Variants in ATN1 observed in about 807,000 individuals in gnomAD.
ATN1 encodes atrophin 1.
In ATN1, 19 loss-of-function variants were observed where a neutral mutation model predicts 85.8. The observed-to-expected ratio is 0.22, with a 90% confidence interval of 0.15 to 0.32. The LOEUF (loss-of-function observed/expected upper bound fraction) is 0.32, where lower values mean the gene tolerates loss of function less well. Ranked by LOEUF, ATN1 falls within the 10% of genes least tolerant of loss-of-function variation. The probability of loss-of-function intolerance (pLI) is 1.00; values close to 1 mark genes in which losing one functional copy is unlikely to be tolerated. For missense variants in ATN1, 1,453 were observed against 1,564.5 expected (o/e 0.93, Z 1.20); for synonymous variants, 674 against 657.0 (o/e 1.03, Z -0.39).
Position 6,937,600 on chromosome 12 carries a change from GGAC to G in ATN1, c.2294+46_2294+48del, listed in dbSNP as rs782457881. On this transcript the variant is annotated intron_variant, in intron 5 of 9. Coordinates refer to ENST00000396684, the MANE Select transcript of ATN1 (RefSeq NM_001940.4). The surrounding 1 kb of genome is among the most constrained non-coding windows in gnomAD (Gnocchi z 6.0). ...TGGGGCGGAGGTGGGCCTGGAAAGG[GGAC>G]GACGACAAGGCGGCGACGAGAGAGG... 37 of 1,461,100 alleles carry G rather than the reference GGAC, an allele frequency of 2.5e-5. No individual in the cohort carries two copies. In the Middle Eastern group the frequency reaches 9.0e-4, roughly 35 times the overall value. The allele number at this position is 1,461,100 out of a possible 1,614,324, so 90.5% of individuals were successfully genotyped here.
At chr12:6,929,452 G>T (rs1039976265) in intron 1 of ATN1, among the ~76,000 whole-genome samples, 62 of 152,164 alleles carry the variant, frequency 4.1e-4, no homozygotes, top group African/African-American at 1.4e-3. Context: ...ACTGGGGTAG[G>T]GGGTAGCTGC....
chr12:6,925,544 G>A (rs879978711), upstream of ATN1, among the ~76,000 whole-genome samples: 3 of 152,126 alleles, frequency 2.0e-5, no homozygotes, highest in Non-Finnish European at 2.9e-5. Context: ...GAGCTGGCCT[G>A]GTCTCAGGGA....
rs781892580 is a variant in ATN1 at position 6,937,063 on chromosome 12, A to C, written c.1796A>C (p.Tyr599Ser). The change falls in exon 5 of 10, where the codon TAC (tyrosine) becomes TCC (serine). Residue 599 changes from tyrosine to serine, a missense_variant. This residue lies in a region of ATN1 where 990 missense variants were observed against 914.8 expected (regional missense o/e 1.08). Transcript: ENST00000396684. This position sits in a 1 kb window ranked among gnomAD's most constrained non-coding sequence, Gnocchi z 6.0. The stretch of plus-strand genomic sequence containing the variant: ...TCCCAGGGCCCTCAAGGGGCGCCCT[A>C]CCCTTTCCCACCGGTGCCTACGGTC... ...SPSQGPQGAP[Y>S]PFPPVPTVTT... 2.1e-5 allele frequency: 34 copies of C among 1,613,128 alleles called. No individual in the cohort carries two copies. Among genetic ancestry groups the C allele is most frequent in the Non-Finnish European group, 2.5e-5 (29 of 1,179,908 alleles).
Position 6,938,650 on chromosome 12 carries a change from C to T in ATN1, c.2687C>T (p.Ser896Phe). 6.2e-7 allele frequency: 1 copy of T among 1,614,248 alleles called. No homozygotes were observed. Among genetic ancestry groups the T allele is most frequent in the Non-Finnish European group, 8.5e-7 (1 of 1,180,040 alleles). ...LSEYARPHVMSPGNRNHPFYV... is the reference protein window; with the variant it reads ...LSEYARPHVMFPGNRNHPFYV... The stretch of plus-strand genomic sequence containing the variant: ...GAATATGCCCGGCCTCATGTCATGT[C>T]TCCTGGCAATCGCAACCATCCATTC... The change falls in exon 7 of 10, where the codon TCT becomes TTT. Residue 896 changes from serine (S) to phenylalanine (F), a missense_variant. Around this residue, in one of 6 missense-constraint regions of ATN1, gnomAD observed 208 missense variants for 263.4 expected, o/e 0.79. Transcript: ENST00000396684.
chr12:6,938,879 C>T lies in ATN1; in HGVS notation c.2916C>T (p.Pro972=). 1 of 1,614,138 alleles carries T rather than the reference C, an allele frequency of 6.2e-7. No homozygotes were observed. Among genetic ancestry groups the T allele is most frequent in the Non-Finnish European group, 8.5e-7 (1 of 1,180,018 alleles). ...CTGGGCCGGGCTTGGATCCCTTTCC[C>T]CGACATGGGGGCCTGGCTCTGCAGC... The part of the protein sequence containing the change: ...GVPGPGLDPF[P]RHGGLALQPG... The change falls in exon 7 of 10, where the codon CCC becomes CCT. Residue 972 remains proline (P), a synonymous_variant. Transcript: ENST00000396684.
In ATN1 at chr12:6,937,215, A is replaced by G. The variant is rs1945556977; in HGVS notation, c.1948A>G (p.Lys650Glu). 6 of 1,611,382 alleles carry G rather than the reference A, an allele frequency of 3.7e-6. No individual in the cohort carries two copies. Among genetic ancestry groups the G allele is most frequent in the East Asian group, 2.2e-5 (1 of 44,842 alleles). The change falls in exon 5 of 10, where the codon AAG (lysine) becomes GAG (glutamate). Residue 650 changes from lysine to glutamate, a missense_variant. Coordinates refer to ENST00000396684, the MANE Select transcript of ATN1 (RefSeq NM_001940.4). The surrounding 1 kb of genome is among the most constrained non-coding windows in gnomAD (Gnocchi z 6.0). ...GKRAPSPGAY[K>E]TATPPGYKPG... ...GAGAGCCCCGTCCCCGGGGGCCTACAAGACAGCCACCCCACCCGGATACAA... is the reference window on the plus strand; with the variant it reads ...GAGAGCCCCGTCCCCGGGGGCCTACGAGACAGCCACCCCACCCGGATACAA...
At position 6,936,431 on chromosome 12, in the gene ATN1, C is replaced by T. The variant is rs1430918498; in HGVS notation, c.1164C>T (p.Ser388=). 8.7e-6 allele frequency: 14 copies of T among 1,612,552 alleles called. No homozygotes were observed. The highest frequency in any genetic ancestry group is 1.7e-5 in the Admixed American group (1 of 59,968). ...GTAGCTCTGCAGCAGCCTCCTCTTCCAGTTCTTCCTCCTCTTCCTCTGCCT... is the reference window on the plus strand; with the variant it reads ...GTAGCTCTGCAGCAGCCTCCTCTTCTAGTTCTTCCTCCTCTTCCTCTGCCT... ...SSSSSAAASS[S]SSSSSSSASP... is the part of the protein sequence containing the mutation. Residue 388 remains serine, a synonymous_variant, in exon 5 of 10, where the codon TCC becomes TCT. Transcript: ENST00000396684.
chr12:6,938,087 C>G lies in ATN1; in HGVS notation c.2517+20C>G, dbSNP rs1232338644. The stretch of plus-strand genomic sequence containing the variant: ...AGCGTGGTGAGTGCGTCACTGCCTG[C>G]GCCACCGCCTTCTTTCCCTCTTTCC... On this transcript the variant is annotated intron_variant, in intron 6 of 9. Coordinates refer to ENST00000396684, the MANE Select transcript of ATN1 (RefSeq NM_001940.4). 1 of 1,531,242 alleles carries G rather than the reference C, an allele frequency of 6.5e-7. No homozygotes were observed. The highest frequency in any genetic ancestry group is 8.8e-7 in the Non-Finnish European group (1 of 1,140,376). 94.9% of individuals were successfully genotyped at this position (1,531,242 alleles called of 1,614,324 possible).
In ATN1 at chr12:6,942,072, C is replaced by T. The variant is rs1555144828; in HGVS notation, c.*292C>T. 2.0e-6 allele frequency: 1 copy of T among 506,766 alleles called. No individual in the cohort carries two copies. The allele number at this position is 506,766 out of a possible 1,614,324, so 31.4% of individuals were successfully genotyped here. A position where few individuals can be genotyped will look rare whatever the true frequency, so the allele number is the denominator to read the frequency against. The stretch of plus-strand genomic sequence containing the variant: ...TTTTCTCCTCCCCCATGCCCAACCC[C>T]TGTGGCCGCCGCCCCTCCCCTGCCC... On this transcript the variant is annotated 3_prime_UTR_variant, in exon 10 of 10. Coordinates refer to ENST00000396684, the MANE Select transcript of ATN1 (RefSeq NM_001940.4).
intron 1 of ATN1, among the ~76,000 whole-genome samples, chr12:6,929,734 G>A (rs951207777): frequency 2.6e-5 from 4 of 152,198 alleles, no homozygotes; most frequent in African/African-American, 9.7e-5. Context: ...GTTTCTCCAA[G>A]TCTCTCCACC....
intron 1 of ATN1, 111 bp downstream of exon 1, chr12:6,928,495 G>T (rs1288454368): frequency 2.9e-5 from 4 of 139,938 alleles, no homozygotes; most frequent in African/African-American, 5.1e-5. Flanking sequence ...TGCCGCCGCC[G>T]CCTCCATTTG....
rs1945581618 is a variant in ATN1, at chr12:6,938,350, T to C, written c.2518-131T>C. 2.2e-6 allele frequency: 3 copies of C among 1,365,680 alleles called. No homozygotes were observed. The East Asian group carries it at 7.6e-5, about 34-fold the overall frequency. 84.6% of individuals were successfully genotyped at this position (1,365,680 alleles called of 1,614,324 possible). A position where few individuals can be genotyped will look rare whatever the true frequency, so the allele number is the denominator to read the frequency against. ...TTCGGGAGCGGGGGCCGCAGTTAAGTTCCAGGTGGGCAGAGTTTCAATGAG... is the reference window on the plus strand; with the variant it reads ...TTCGGGAGCGGGGGCCGCAGTTAAGCTCCAGGTGGGCAGAGTTTCAATGAG... On this transcript the variant is annotated intron_variant, in intron 6 of 9. Coordinates refer to ENST00000396684, the MANE Select transcript of ATN1 (RefSeq NM_001940.4).
chr12:6,936,079 C>T lies in ATN1; in HGVS notation c.812C>T (p.Pro271Leu), dbSNP rs1271609637. The T allele has an allele frequency of 2.6e-6, 4 of 1,532,608 alleles. No individual in the cohort carries two copies. In the African/African-American group the frequency reaches 4.2e-5, roughly 16 times the overall value. 94.9% of individuals were successfully genotyped at this position (1,532,608 alleles called of 1,614,324 possible). A position where few individuals can be genotyped will look rare whatever the true frequency, so the allele number is the denominator to read the frequency against. ...SVSSSGASGA[P>L]PTKPPTTPVG... ...TCAAGCTCTGGGGCTAGTGGTGCTC[C>T]CCCAACAAAGCCGCCTACCACTCCA... The change falls in exon 5 of 10, where the codon CCC becomes CTC. Residue 271 changes from proline to leucine, a missense_variant. Pro to Leu is a moderately conservative substitution (Grantham distance 98, BLOSUM62 -3). This residue lies in a region of ATN1 where 990 missense variants were observed against 914.8 expected (regional missense o/e 1.08). Coordinates refer to ENST00000396684, the MANE Select transcript of ATN1 (RefSeq NM_001940.4).
chr12:6,925,659 C>T (rs1945392522), upstream of ATN1, among the ~76,000 whole-genome samples: 1 of 152,202 alleles, frequency 6.6e-6, no homozygotes, highest in African/African-American at 2.4e-5. Flanking sequence ...GTTCCTGTTC[C>T]TGCGCCCAGT....
upstream of ATN1, among the ~76,000 whole-genome samples, chr12:6,925,966 C>T (rs1476787085): frequency 6.6e-6 from 1 of 152,224 alleles, no homozygotes; most frequent in Non-Finnish European, 1.5e-5. Context: ...ATTCTCTGGC[C>T]TTCCCAATTT....
At chr12:6,927,633 CCTCCCCCTCTCCGG>C (rs781890362), upstream of ATN1, among the ~76,000 whole-genome samples, 1 of 150,898 alleles carries the variant, frequency 6.6e-6, no homozygotes, top group East Asian at 2.0e-4. Flanking sequence ...TCGCGCTGCG[CCTCCCCCTCTCCGG>C]CTCCCCCTCT....
Position 6,937,031 on chromosome 12 carries a change from C to T in ATN1, c.1764C>T (p.Pro588=). 6.2e-7 allele frequency: 1 copy of T among 1,613,914 alleles called. No homozygotes were observed. Among genetic ancestry groups the T allele is most frequent in the Non-Finnish European group, 8.5e-7 (1 of 1,179,924 alleles). The change falls in exon 5 of 10, where the codon CCC becomes CCT. Residue 588 remains proline (P), a synonymous_variant. Coordinates refer to ENST00000396684, the MANE Select transcript of ATN1 (RefSeq NM_001940.4). This position sits in a 1 kb window ranked among gnomAD's most constrained non-coding sequence, Gnocchi z 6.0. ...TSQGSYPCSH[P]SPSQGPQGAP... ...AAGGGTCCTACCCATGTTCACACCC[C>T]TCCCCTTCCCAGGGCCCTCAAGGGG...
chr12:6,929,364 G>A (rs1051121348), intron 1 of ATN1, among the ~76,000 whole-genome samples: 1 of 152,136 alleles, frequency 6.6e-6, no homozygotes, highest in Non-Finnish European at 1.5e-5. Flanking sequence ...CTTTGTGCAT[G>A]GGCTTATTTT....
intron 7 of ATN1, among the ~76,000 whole-genome samples, chr12:6,940,382 C>T (rs1591667494): frequency 6.6e-6 from 1 of 152,118 alleles, no homozygotes; most frequent in East Asian, 1.9e-4. Flanking sequence ...TCTCCTGCCT[C>T]AGCCTCCCGA....
Sources: gnomAD v4.1 joint callset for allele counts (sites outside exome capture counted in the v4.1 genomes callset) on GRCh38, gnomAD v4.1.1 for gene constraint, gnomAD v4.1.1 regional missense constraint, Gnocchi (gnomAD v3.1) non-coding constraint, MANE v1.5 for transcripts, NCBI Gene and HGNC (gene_info 2026-07-23, HGNC 2026-07-21) for gene names.